Variants in C3orf20 observed in about 807,000 individuals in gnomAD.
C3orf20 encodes family with sequence similarity 149 member C.
C3orf20 carries 76 observed loss-of-function variants against 88.3 expected under a neutral mutation model. The observed-to-expected ratio is 0.86, with a 90% CI of 0.72 to 1.04. The LOEUF (loss-of-function observed/expected upper bound fraction) is 1.04, where lower values mean the gene tolerates loss of function less well. C3orf20 is among the 50% of genes least tolerant of loss of function. C3orf20 has a pLI of 0.00. For synonymous variants in C3orf20, 436 were observed against 437.4 expected (o/e 1.00, Z 0.04); for missense variants, 1,056 against 1,123.3 (o/e 0.94, Z 0.86).
At position 14,757,612 on chromosome 3, in the gene C3orf20, C is replaced by T. The variant is rs764615500; in HGVS notation, c.2182C>T (p.Gln728Ter). Residue 728 changes from glutamine (Q) to a stop codon, truncating the protein, a stop_gained, in exon 13 of 17, where the codon CAG becomes TAG. Coordinates refer to ENST00000253697, the MANE Select transcript of C3orf20 (RefSeq NM_032137.5). LOFTEE classifies it high-confidence loss of function. ...GAACTACACCAGCACTGGGCAGCTC[C>T]AGTGGCTGCTGAACACTCTCTACAA... ...SQNYTSTGQL[Q>*]WLLNTLYNHQ... 2 of 1,613,766 alleles carry T rather than the reference C, an allele frequency of 1.2e-6. No individual in the cohort carries two copies. The highest frequency in any genetic ancestry group is 2.7e-5 in the African/African-American group (2 of 74,936).
intron 15 of C3orf20, among the ~76,000 whole-genome samples, chr3:14,764,161 A>C (rs918283412): frequency 2.6e-5 from 4 of 152,122 alleles, no homozygotes; most frequent in Admixed American, 6.6e-5. Flanking sequence ...ACACATACAC[A>C]TGCATACACT....
intron 12 of C3orf20, among the ~76,000 whole-genome samples, chr3:14,747,733 C>T (rs1187472143): frequency 6.6e-6 from 1 of 152,062 alleles, no homozygotes; most frequent in African/African-American, 2.4e-5. Context: ...TGGTCATTTA[C>T]ATAAGTGCAG....
chr3:14,738,302 G>C (rs538533520), intron 12 of C3orf20, among the ~76,000 whole-genome samples: 1 of 151,018 alleles, frequency 6.6e-6, no homozygotes, highest in East Asian at 1.9e-4. Flanking sequence ...TGAACAGCTG[G>C]GATTACAGGC....
chr3:14,753,300 G>A (rs562758115), intron 12 of C3orf20, among the ~76,000 whole-genome samples: 17 of 152,270 alleles, frequency 1.1e-4, no homozygotes, highest in Non-Finnish European at 2.4e-4. Context: ...AGAACACATG[G>A]ACATAGGGAG....
intron 12 of C3orf20, among the ~76,000 whole-genome samples, chr3:14,755,522 A>T (rs1188144993): frequency 6.6e-6 from 1 of 152,208 alleles, no homozygotes; most frequent in Non-Finnish European, 1.5e-5. Context: ...TGCCCCAGAT[A>T]TGCAGGTTCT....
At chr3:14,764,764 C>T in intron 15 of C3orf20, among the ~76,000 whole-genome samples, 1 of 152,118 alleles carries the variant, frequency 6.6e-6, no homozygotes, top group East Asian at 1.9e-4. Flanking sequence ...GGCTGGGTTC[C>T]AAGAGGGAGC....
intron 13 of C3orf20, 84 bp from the exon 14 acceptor site, chr3:14,759,807 A>G (rs1477033129): frequency 3.5e-6 from 4 of 1,156,668 alleles, no homozygotes; most frequent in Non-Finnish European, 5.1e-6. Context: ...ACTCAGGGGG[A>G]ACCAGGCCTA....
chr3:14,714,663 G>A (rs557767887), intron 8 of C3orf20, among the ~76,000 whole-genome samples: 1 of 152,130 alleles, frequency 6.6e-6, no homozygotes. Context: ...AAGTGCAGTG[G>A]CATGATTATA....
In C3orf20 at chr3:14,762,154, C is replaced by T. The variant is rs1000461257; in HGVS notation, c.2495+539C>T. 4.6e-5 allele frequency among the ~76,000 whole-genome samples: 7 copies of T among 152,192 alleles called. No individual in the cohort carries two copies. The East Asian group carries it at 1.2e-3, about 25-fold the overall frequency. On this transcript the variant is annotated intron_variant, in intron 15 of 16. Coordinates refer to ENST00000253697, the MANE Select transcript of C3orf20 (RefSeq NM_032137.5). The stretch of plus-strand genomic sequence containing the variant: ...TGACGCGATCATAGCTCACTGCATC[C>T]TTGAATGGCTGGGCTCAAGTGATCC...
At chr3:14,725,737 C>G (rs1187283903) in intron 10 of C3orf20, among the ~76,000 whole-genome samples, 1 of 152,120 alleles carries the variant, frequency 6.6e-6, no homozygotes, top group African/African-American at 2.4e-5. Context: ...ACTGCCCACC[C>G]CACTCTTGCC....
rs145467996 is a variant in C3orf20 at position 14,741,975 on chromosome 3, G to A, written c.1940+13287G>A. 2.4e-3 allele frequency among the ~76,000 whole-genome samples: 373 copies of A among 152,270 alleles called. 2 individuals are homozygous for A. Among genetic ancestry groups the A allele is most frequent in the African/African-American group, 8.3e-3 (343 of 41,562 alleles). On this transcript the variant is annotated intron_variant, in intron 12 of 16. Transcript: ENST00000253697. ...CAGCAGTGGTAAACTGACATGGCTC[G>A]CTGGTGGGCATGTCTGATGGAAAGC...
intron 1 of C3orf20, among the ~76,000 whole-genome samples, chr3:14,679,847 A>T (rs185322347): frequency 3.3e-3 from 501 of 152,332 alleles, no homozygotes; most frequent in Non-Finnish European, 4.5e-3. Context: ...TGCTTTTTAA[A>T]ACAGTTTTTA....
chr3:14,736,682 T>G (rs1196720780), intron 12 of C3orf20, among the ~76,000 whole-genome samples: 1 of 151,766 alleles, frequency 6.6e-6, no homozygotes, highest in Non-Finnish European at 1.5e-5. Flanking sequence ...TTCTCGTGCC[T>G]CAGCCTCCTG....
rs368977894 is a variant in C3orf20, at chr3:14,730,314, G to A, written c.1940+1626G>A. ...TGTAATCCCAGCACTTTGGGAGGCC[G>A]AGGCGGGCAGATCACGAGGTTGGGA... On this transcript the variant is annotated intron_variant, in intron 12 of 16. Coordinates refer to ENST00000253697, the MANE Select transcript of C3orf20 (RefSeq NM_032137.5). Among the ~76,000 whole-genome samples, 385 of 152,252 alleles carry A rather than the reference G, an allele frequency of 2.5e-3. 3 individuals are homozygous for A. In the Middle Eastern group the frequency reaches 0.044, roughly 17 times the overall value.
intron 8 of C3orf20, 72 bp downstream of exon 8, chr3:14,714,231 G>A: frequency 1.3e-6 from 2 of 1,530,200 alleles, no homozygotes; most frequent in Non-Finnish European, 1.8e-6. Flanking sequence ...CTGAGGTGGT[G>A]ACTACGAGTC....
chr3:14,762,455 A>G (rs893272960), intron 15 of C3orf20, among the ~76,000 whole-genome samples: 7 of 152,226 alleles, frequency 4.6e-5, no homozygotes, highest in Admixed American at 2.6e-4. Flanking sequence ...TTAGGGGAAC[A>G]TGAGCAGATT....
intron 12 of C3orf20, among the ~76,000 whole-genome samples, chr3:14,752,303 C>T (rs983770343): frequency 6.6e-6 from 1 of 152,170 alleles, no homozygotes; most frequent in Non-Finnish European, 1.5e-5. Flanking sequence ...AACTGGATCC[C>T]TTGCTTACAC....
In C3orf20 at chr3:14,682,709, C is replaced by G. The variant is rs1463819848; in HGVS notation, c.-5C>G. ...GAGCTCTCTTTATAGCTGAAGGTCC[C>G]TCTCATGAGTTACATCAAGAGTAAC... is the stretch of plus-strand genomic sequence containing the variant. On this transcript the variant is annotated 5_prime_UTR_variant, in exon 3 of 17. Coordinates refer to ENST00000253697, the MANE Select transcript of C3orf20 (RefSeq NM_032137.5). 6.3e-7 allele frequency: 1 copy of G among 1,599,972 alleles called. No homozygotes were observed. The highest frequency in any genetic ancestry group is 1.3e-5 in the African/African-American group (1 of 74,574).
intron 1 of C3orf20, among the ~76,000 whole-genome samples, chr3:14,678,713 T>C (rs1369142518): frequency 6.6e-6 from 1 of 152,252 alleles, no homozygotes; most frequent in African/African-American, 2.4e-5. Flanking sequence ...TGGCTGACTT[T>C]AATGCTACAG....
Sources: allele counts gnomAD v4.1 joint callset (sites outside exome capture counted in the v4.1 genomes callset), GRCh38; gene constraint gnomAD v4.1.1; transcripts MANE v1.5; gene names NCBI Gene and HGNC (gene_info 2026-07-23, HGNC 2026-07-21).